FIP1L1: variants seen among roughly 807,000 people sequenced by gnomAD.
The protein encoded by FIP1L1 is factor interacting with PAPOLA and CPSF1, also known as pre-mRNA 3'-end-processing factor FIP1.
A neutral mutation model predicts 84.6 loss-of-function variants in FIP1L1; 21 were observed. The observed-to-expected ratio is 0.25, with a 90% CI of 0.18 to 0.36. The LOEUF (loss-of-function observed/expected upper bound fraction) is 0.36. Among genes scored for constraint, FIP1L1 ranks in the 10% least tolerant of loss-of-function variants. FIP1L1 has a pLI of 1.00. For synonymous variants in FIP1L1, 263 were observed against 242.3 expected (o/e 1.09, Z -0.80); for missense variants, 526 against 751.1 (o/e 0.70, Z 3.50).
chr4:53,452,848 A>C, intron 15 of FIP1L1, 72 bp from the exon 16 acceptor site: 4 of 1,084,064 alleles, frequency 3.7e-6, no homozygotes, highest in Non-Finnish European at 5.6e-6. Flanking sequence ...TAATCTCATG[A>C]CACATTTTTG....
At chr4:53,441,850 G>C (rs1287768014) in intron 13 of FIP1L1, among the ~76,000 whole-genome samples, 1 of 152,058 alleles carries the variant, frequency 6.6e-6, no homozygotes, top group East Asian at 1.9e-4. Flanking sequence ...TTTCCTAGTA[G>C]TGAGAGTTGT....
intron 1 of FIP1L1, chr4:53,378,173 C>T: frequency 1.1e-5 from 4 of 370,258 alleles, no homozygotes; most frequent in Non-Finnish European, 4.8e-6. Context: ...TGTGACCGGT[C>T]CTGGCCCCCG....
At chr4:53,420,309 G>A (rs1347802794) in intron 11 of FIP1L1, among the ~76,000 whole-genome samples, 7 of 149,274 alleles carry the variant, frequency 4.7e-5, no homozygotes, top group Non-Finnish European at 1.0e-4. Flanking sequence ...GCATGCGTCC[G>A]TAATCCCAGC....
chr4:53,431,333 G>A (rs1323552897), intron 13 of FIP1L1, among the ~76,000 whole-genome samples: 1 of 152,112 alleles, frequency 6.6e-6, no homozygotes, highest in Admixed American at 6.5e-5. Context: ...AGAATCATAA[G>A]CAGCTAATGA....
intron 4 of FIP1L1, among the ~76,000 whole-genome samples, chr4:53,382,679 T>C (rs1738721427): frequency 6.6e-6 from 1 of 152,238 alleles, no homozygotes; most frequent in Non-Finnish European, 1.5e-5. Context: ...TTTTTAACGT[T>C]GCTTTTTAAT....
intron 10 of FIP1L1, among the ~76,000 whole-genome samples, chr4:53,405,450 C>T (rs35499169): frequency 0.56 from 84,417 of 151,902 alleles, 25,299 homozygotes; most frequent in Non-Finnish European, 0.67. Flanking sequence ...CTTGATGCCT[C>T]CAGTTTGTTC....
intron 10 of FIP1L1, among the ~76,000 whole-genome samples, chr4:53,401,287 C>T (rs751845392): frequency 2.6e-4 from 40 of 152,158 alleles, no homozygotes; most frequent in South Asian, 1.9e-3. Context: ...AAATTTGGGC[C>T]AGATTATGTA....
At chr4:53,444,597 G>C (rs1178758908) in intron 15 of FIP1L1, among the ~76,000 whole-genome samples, 1 of 152,032 alleles carries the variant, frequency 6.6e-6, no homozygotes, top group Non-Finnish European at 1.5e-5. Flanking sequence ...GCTGTGCATT[G>C]TACTAATTTT....
At chr4:53,428,601 TTC>T (rs1765269516) in intron 13 of FIP1L1, among the ~76,000 whole-genome samples, 1 of 152,228 alleles carries the variant, frequency 6.6e-6, no homozygotes, top group Non-Finnish European at 1.5e-5. Flanking sequence ...TCTGGTCTTC[TTC>T]TGTATACCGG....
At chr4:53,378,161 G>A (rs1735679028) in intron 1 of FIP1L1, 1 of 404,886 alleles carries the variant, frequency 2.5e-6, no homozygotes, top group Non-Finnish European at 4.4e-6. Flanking sequence ...GGGCTGGGGG[G>A]CTGTGACCGG....
At chr4:53,444,790 T>G (rs754889975) in intron 15 of FIP1L1, among the ~76,000 whole-genome samples, 1 of 152,108 alleles carries the variant, frequency 6.6e-6, no homozygotes, top group African/African-American at 2.4e-5. Context: ...TAGGCTGGTC[T>G]TGAACTCCTG....
At chr4:53,378,727 T>C (rs1736126552) in intron 1 of FIP1L1, 1 of 244,416 alleles carries the variant, frequency 4.1e-6, no homozygotes, top group Admixed American at 5.3e-5. Flanking sequence ...CCTTCTTGCT[T>C]GTTAACACCA....
intron 1 of FIP1L1, 41 bp downstream of exon 1, chr4:53,377,964 C>A: frequency 2.0e-6 from 3 of 1,500,552 alleles, no homozygotes; most frequent in South Asian, 1.3e-5. Flanking sequence ...TTCTCTCAGG[C>A]CTCCCCTCTT....
chr4:53,423,113 A>T (rs1336269261), intron 11 of FIP1L1, among the ~76,000 whole-genome samples: 1 of 152,232 alleles, frequency 6.6e-6, no homozygotes. Flanking sequence ...TCTTTCTGGG[A>T]TATCAGAATC....
At chr4:53,408,091 G>A (rs1222913376) in intron 10 of FIP1L1, among the ~76,000 whole-genome samples, 1 of 152,132 alleles carries the variant, frequency 6.6e-6, no homozygotes, top group Non-Finnish European at 1.5e-5. Context: ...TCCTATCCTC[G>A]ATGGTTTTTA....
At chr4:53,412,451 T>C (rs918657507) in intron 10 of FIP1L1, among the ~76,000 whole-genome samples, 14 of 152,148 alleles carry the variant, frequency 9.2e-5, no homozygotes, top group African/African-American at 3.4e-4. Flanking sequence ...CTATTTTATC[T>C]TTTTGTTTTT....
At position 53,389,809 on chromosome 4, in the gene FIP1L1, G is replaced by T; in HGVS notation, c.333G>T (p.Gly111=). 2 of 1,597,840 alleles carry T rather than the reference G, an allele frequency of 1.3e-6. No individual in the cohort carries two copies. Among genetic ancestry groups the T allele is most frequent in the Admixed American group, 1.8e-5 (1 of 56,580 alleles). The part of the protein sequence containing the change: ...GDIKTGAPQY[G]SYGTAPVNLN... ...TTTTTTTTTGTTTGTTTGTTTTTAG[G>T]AGTTATGGTACAGCACCTGTAAATC... The change falls in exon 6 of 18, where the codon GGG becomes GGT. Residue 111 remains glycine (G), a splice_region_variant and synonymous_variant. Transcript: ENST00000337488.
chr4:53,414,367 T>A (rs1758497607), intron 10 of FIP1L1, among the ~76,000 whole-genome samples: 1 of 152,128 alleles, frequency 6.6e-6, no homozygotes, highest in Non-Finnish European at 1.5e-5. Flanking sequence ...TTTTCTCATT[T>A]CTGCATTGAC....
chr4:53,395,418 G>A (rs576368250), intron 9 of FIP1L1, among the ~76,000 whole-genome samples: 12 of 151,938 alleles, frequency 7.9e-5, no homozygotes, highest in South Asian at 4.2e-4. Flanking sequence ...AATCCTTCCC[G>A]GTTCCTCCTT....
Sources: allele counts gnomAD v4.1 joint callset (sites outside exome capture counted in the v4.1 genomes callset), GRCh38; gene constraint gnomAD v4.1.1; transcripts MANE v1.5; gene names NCBI Gene and HGNC (gene_info 2026-07-23, HGNC 2026-07-21).